Variants in FOXN3 observed in about 807,000 individuals in gnomAD.
The protein encoded by FOXN3 is forkhead box protein N3.
Under a neutral mutation model 38.4 loss-of-function variants are expected in FOXN3, and 7 were observed. The observed-to-expected ratio is 0.18, with a 90% CI of 0.10 to 0.34. The LOEUF is 0.34. Among genes scored for constraint, FOXN3 ranks in the 10% least tolerant of loss-of-function variants. The probability of loss-of-function intolerance (pLI) is 1.00; values close to 1 mark genes in which losing one functional copy is unlikely to be tolerated. For synonymous variants in FOXN3, 230 were observed against 242.2 expected (o/e 0.95, Z 0.47); for missense variants, 456 against 613.4 (o/e 0.74, Z 2.71).
rs200066586 is a variant in FOXN3, at chr14:89,221,785, T to TA, written c.746-40980dup. ...TTTATTTTAAATATTTTAACCAAAT[T>TA]AAAAAATCACATCATACACCAACTT... On this transcript the variant is annotated intron_variant, in intron 4 of 5. Transcript: ENST00000557258. Among the ~76,000 whole-genome samples the TA allele has an allele frequency of 7.7e-3, 1,173 of 151,438 alleles. 11 individuals carry two copies. The highest frequency in any genetic ancestry group is 0.027 in the African/African-American group (1,135 of 41,352).
rs368819906 is a variant in FOXN3, at chr14:89,269,025, A to G, written c.745+11925T>C. Among the ~76,000 whole-genome samples the G allele has an allele frequency of 2.6e-5, 4 of 152,350 alleles. No homozygotes were observed. In the South Asian group the frequency reaches 8.3e-4, roughly 32 times the overall value. On this transcript the variant is annotated intron_variant, in intron 4 of 5. Coordinates refer to ENST00000557258, the MANE Select transcript of FOXN3 (RefSeq NM_005197.4). ...ATCAGCACACAATCGACCTTTATAC[A>G]TGTCACAGCCTTCTTGTTTCTTATC...
intron 1 of FOXN3, among the ~76,000 whole-genome samples, chr14:89,555,882 G>T (rs76576868): frequency 0.094 from 9,772 of 104,186 alleles, 1,047 homozygotes; most frequent in African/African-American, 0.17. Context: ...TGTGTATGTG[G>T]GGGTGTATGT....
At chr14:89,178,337 C>CTGGG (rs1462225579) in intron 5 of FOXN3, among the ~76,000 whole-genome samples, 10 of 152,124 alleles carry the variant, frequency 6.6e-5, no homozygotes, top group African/African-American at 2.2e-4. Context: ...TTTTGTAGAG[C>CTGGG]TGGGATCTCC....
intron 2 of FOXN3, among the ~76,000 whole-genome samples, chr14:89,370,018 A>G (rs1388730028): frequency 6.6e-6 from 1 of 152,260 alleles, no homozygotes; most frequent in African/African-American, 2.4e-5. Flanking sequence ...ATCCAACTGC[A>G]CTAAAATGTA....
chr14:89,464,177 T>C (rs1469518919), intron 1 of FOXN3, among the ~76,000 whole-genome samples: 1 of 152,214 alleles, frequency 6.6e-6, no homozygotes, highest in African/African-American at 2.4e-5. Flanking sequence ...AGTAGAGATG[T>C]GGCACAAAGG....
chr14:89,357,765 C>T (rs567969044), intron 2 of FOXN3, among the ~76,000 whole-genome samples: 2 of 152,266 alleles, frequency 1.3e-5, no homozygotes, highest in South Asian at 4.1e-4. Context: ...CATATACTAA[C>T]TGGGTTTGTG....
chr14:89,295,545 C>A (rs1050122836), intron 3 of FOXN3, among the ~76,000 whole-genome samples: 2 of 152,102 alleles, frequency 1.3e-5, no homozygotes, highest in Non-Finnish European at 2.9e-5. Context: ...GCTACCTGCA[C>A]CTCCTACACA....
At chr14:89,398,899 G>A (rs1161238430) in intron 2 of FOXN3, among the ~76,000 whole-genome samples, 4 of 152,322 alleles carry the variant, frequency 2.6e-5, no homozygotes, top group African/African-American at 9.6e-5. Flanking sequence ...CAGGAGAATC[G>A]CTTGAACCCA....
chr14:89,250,251 T>C (rs1180584871), intron 4 of FOXN3, among the ~76,000 whole-genome samples: 2 of 152,112 alleles, frequency 1.3e-5, no homozygotes, highest in Non-Finnish European at 2.9e-5. Context: ...GCTGGGACCA[T>C]AGGCATACAC....
intron 1 of FOXN3, among the ~76,000 whole-genome samples, chr14:89,477,204 C>T (rs1028004866): frequency 6.6e-6 from 1 of 152,088 alleles, no homozygotes; most frequent in Non-Finnish European, 1.5e-5. Flanking sequence ...AGCCCAAGCA[C>T]GGCACCTCGG....
At chr14:89,385,498 T>TAA (rs1890767343) in intron 2 of FOXN3, among the ~76,000 whole-genome samples, 3 of 62,772 alleles carry the variant, frequency 4.8e-5, no homozygotes, top group African/African-American at 1.5e-4. Context: ...AGGCAAACAT[T>TAA]TAAAAAAAAA....
rs947128596 is a variant in FOXN3 at position 89,163,884 on chromosome 14, C to T, written c.852-915G>A. The stretch of plus-strand genomic sequence containing the variant: ...TGAGGTCTTAGCTACATCACCAGAC[C>T]GACCCTCCTTTGTGATTTCCCTATA... On this transcript the variant is annotated intron_variant, in intron 5 of 5. Coordinates refer to ENST00000557258, the MANE Select transcript of FOXN3 (RefSeq NM_005197.4). The surrounding 1 kb of genome is among the most constrained non-coding windows in gnomAD (Gnocchi z 4.3). Among the ~76,000 whole-genome samples, 4 of 152,178 alleles carry T rather than the reference C, an allele frequency of 2.6e-5. No individual in the cohort carries two copies. The highest frequency in any genetic ancestry group is 1.3e-4 in the Admixed American group (2 of 15,280).
chr14:89,609,068 G>C (rs1002770919), intron 1 of FOXN3, among the ~76,000 whole-genome samples: 7 of 152,198 alleles, frequency 4.6e-5, no homozygotes, highest in East Asian at 1.9e-4. Context: ...GGACCACAGC[G>C]AGTTCAGGGG....
chr14:89,461,306 C>G (rs185456961), intron 1 of FOXN3, among the ~76,000 whole-genome samples: 3 of 151,434 alleles, frequency 2.0e-5, no homozygotes, highest in African/African-American at 7.3e-5. Flanking sequence ...CACTGCACTC[C>G]AGGCCAGGCG....
At chr14:89,540,914 G>T (rs376186786) in intron 1 of FOXN3, among the ~76,000 whole-genome samples, 11 of 152,106 alleles carry the variant, frequency 7.2e-5, no homozygotes, top group African/African-American at 2.4e-4. Context: ...ATTTGCAGTA[G>T]TAAGTAGGAA....
At chr14:89,385,302 G>A (rs1185865367) in intron 2 of FOXN3, among the ~76,000 whole-genome samples, 1 of 152,000 alleles carries the variant, frequency 6.6e-6, no homozygotes, top group East Asian at 1.9e-4. Flanking sequence ...TCTATAGAGA[G>A]GGTCCGGGAG....
intron 4 of FOXN3, among the ~76,000 whole-genome samples, chr14:89,214,428 A>G (rs1188538010): frequency 3.3e-5 from 5 of 152,068 alleles, no homozygotes; most frequent in African/African-American, 1.2e-4. Flanking sequence ...CTTCACATCT[A>G]TTTGCTCCGC....
chr14:89,359,986 G>C (rs1196770735), intron 2 of FOXN3, among the ~76,000 whole-genome samples: 2 of 152,178 alleles, frequency 1.3e-5, no homozygotes, highest in East Asian at 3.9e-4. Flanking sequence ...TAGAGAGGTG[G>C]CCTAGAGTTG....
intron 2 of FOXN3, among the ~76,000 whole-genome samples, chr14:89,390,704 C>T (rs1335239109): frequency 6.6e-6 from 1 of 152,082 alleles, no homozygotes; most frequent in Non-Finnish European, 1.5e-5. Context: ...TGAATCTACT[C>T]GTATGACCAA....
Sources: allele counts gnomAD v4.1 joint callset (sites outside exome capture counted in the v4.1 genomes callset), GRCh38; gene constraint gnomAD v4.1.1; non-coding constraint Gnocchi (gnomAD v3.1); transcripts MANE v1.5; gene names NCBI Gene and HGNC (gene_info 2026-07-23, HGNC 2026-07-21).